The following LRRTM4 variants were observed in gnomAD, a reference collection of about 807,000 sequenced individuals.
LRRTM4 encodes the protein leucine rich repeat transmembrane neuronal 4, also known as leucine-rich repeat transmembrane neuronal protein 4.
A neutral mutation model predicts 47.6 loss-of-function variants in LRRTM4; 25 were observed. The ratio of observed to expected loss-of-function variants is 0.53; its 90% CI spans 0.38 to 0.73. The LOEUF (loss-of-function observed/expected upper bound fraction) is 0.73, where lower values mean the gene tolerates loss of function less well. Ranked by LOEUF, LRRTM4 falls within the 30% of genes least tolerant of loss-of-function variation. The pLI is 0.00. For missense variants in LRRTM4, 638 were observed against 713.4 expected (o/e 0.89, Z 1.20); for synonymous variants, 311 against 269.5 (o/e 1.15, Z -1.51).
chr2:77,010,265 T>G (rs1169353452), intron 3 of LRRTM4, among the ~76,000 whole-genome samples: 1 of 152,012 alleles, frequency 6.6e-6, no homozygotes, highest in African/African-American at 2.4e-5. Flanking sequence ...AATATTTGTG[T>G]TGTTTGATTA....
intron 3 of LRRTM4, among the ~76,000 whole-genome samples, chr2:77,334,346 C>A (rs1410204684): frequency 6.6e-6 from 1 of 151,940 alleles, no homozygotes; most frequent in Non-Finnish European, 1.5e-5. Context: ...CAGTTTTGTC[C>A]CCACCCAAAT....
chr2:77,262,417 A>G (rs1002999357), intron 3 of LRRTM4, among the ~76,000 whole-genome samples: 18 of 151,996 alleles, frequency 1.2e-4, no homozygotes, highest in Non-Finnish European at 4.4e-5. Context: ...TCACATTAGT[A>G]TGGTACATTT....
intron 3 of LRRTM4, among the ~76,000 whole-genome samples, chr2:77,462,525 A>G (rs967437730): frequency 2.0e-5 from 3 of 152,064 alleles, no homozygotes; most frequent in Non-Finnish European, 4.4e-5. Context: ...ATCAGTTAAT[A>G]AACCTCCTGC....
chr2:76,966,226 A>G (rs1676018216), intron 3 of LRRTM4, among the ~76,000 whole-genome samples: 1 of 151,506 alleles, frequency 6.6e-6, no homozygotes, highest in African/African-American at 2.4e-5. Flanking sequence ...GAGGAAGAAA[A>G]GAAATGGAGG....
intron 3 of LRRTM4, among the ~76,000 whole-genome samples, chr2:77,340,155 T>A (rs1364773422): frequency 6.6e-6 from 1 of 151,932 alleles, no homozygotes; most frequent in East Asian, 1.9e-4. Context: ...GGTAATTAGA[T>A]ATGCATCTGT....
chr2:76,879,999 G>A (rs1672883588), intron 3 of LRRTM4, among the ~76,000 whole-genome samples: 1 of 152,226 alleles, frequency 6.6e-6, no homozygotes, highest in Non-Finnish European at 1.5e-5. Flanking sequence ...TAAAATTTCA[G>A]TGAATGAGGA....
chr2:77,051,000 C>A (rs1378749719), intron 3 of LRRTM4, among the ~76,000 whole-genome samples: 1 of 150,550 alleles, frequency 6.6e-6, no homozygotes, highest in African/African-American at 2.4e-5. Flanking sequence ...TCTAGGTAAA[C>A]AAGATACTTA....
intron 3 of LRRTM4, among the ~76,000 whole-genome samples, chr2:76,834,620 T>C (rs773676531): frequency 6.6e-6 from 1 of 152,048 alleles, no homozygotes; most frequent in Non-Finnish European, 1.5e-5. Context: ...TACAAATGCT[T>C]TCTCTAATCC....
At chr2:76,978,919 C>T (rs1676506204) in intron 3 of LRRTM4, among the ~76,000 whole-genome samples, 1 of 151,970 alleles carries the variant, frequency 6.6e-6, no homozygotes, top group South Asian at 2.1e-4. Context: ...AGTGCAGAAG[C>T]TATTTTCATG....
intron 3 of LRRTM4, among the ~76,000 whole-genome samples, chr2:77,415,393 A>G (rs571932113): frequency 6.6e-6 from 1 of 152,300 alleles, no homozygotes; most frequent in African/African-American, 2.4e-5. Flanking sequence ...GTGCAAGAAC[A>G]TATTAATTCC....
At chr2:77,331,842 T>C (rs1407550857) in intron 3 of LRRTM4, among the ~76,000 whole-genome samples, 2 of 152,180 alleles carry the variant, frequency 1.3e-5, no homozygotes. Flanking sequence ...TCCTTCGTGT[T>C]AAGCCCTGCC....
At chr2:77,008,613 T>A (rs2104055425) in intron 3 of LRRTM4, among the ~76,000 whole-genome samples, 1 of 152,240 alleles carries the variant, frequency 6.6e-6, no homozygotes, top group South Asian at 2.1e-4. Context: ...TATAATTGAA[T>A]AACATCTGGA....
At chr2:77,009,992 ATTTAAC>A (rs1677807666) in intron 3 of LRRTM4, among the ~76,000 whole-genome samples, 3 of 151,784 alleles carry the variant, frequency 2.0e-5, no homozygotes, top group East Asian at 3.9e-4. Flanking sequence ...AAAAAAGTTG[ATTTAAC>A]TTTATTTTTA....
At chr2:76,961,123 AT>A (rs1346141864) in intron 3 of LRRTM4, among the ~76,000 whole-genome samples, 2 of 151,492 alleles carry the variant, frequency 1.3e-5, no homozygotes, top group African/African-American at 4.8e-5. Context: ...AGGTTAAATC[AT>A]TTCCCCTTAT....
At chr2:77,458,578 A>G (rs191433678) in intron 3 of LRRTM4, among the ~76,000 whole-genome samples, 4 of 151,442 alleles carry the variant, frequency 2.6e-5, no homozygotes, top group Admixed American at 2.6e-4. Context: ...CTTTCCATCA[A>G]CTGCCGTTGG....
intron 3 of LRRTM4, among the ~76,000 whole-genome samples, chr2:77,248,361 A>G (rs74849482): frequency 0.014 from 2,076 of 152,070 alleles, 47 homozygotes; most frequent in African/African-American, 0.048. Context: ...ACAAGATGTG[A>G]AGAAAACTGC....
At chr2:76,788,982 A>G (rs772590054) in intron 3 of LRRTM4, among the ~76,000 whole-genome samples, 2 of 152,210 alleles carry the variant, frequency 1.3e-5, no homozygotes, top group Admixed American at 1.3e-4. Flanking sequence ...TGAGTCTTAG[A>G]GACATAAAAC....
intron 3 of LRRTM4, among the ~76,000 whole-genome samples, chr2:76,995,783 T>G (rs542703056): frequency 1.1e-4 from 17 of 152,124 alleles, no homozygotes; most frequent in African/African-American, 4.1e-4. Flanking sequence ...AGATCCCAAT[T>G]TGCAGGCTGG....
chr2:77,214,797 T>A (rs1395253832), intron 3 of LRRTM4, among the ~76,000 whole-genome samples: 1 of 152,140 alleles, frequency 6.6e-6, no homozygotes, highest in Non-Finnish European at 1.5e-5. Flanking sequence ...ATAATTCTAA[T>A]GGAATATAGT....
Sources: allele counts gnomAD v4.1 joint callset (sites outside exome capture counted in the v4.1 genomes callset), GRCh38; gene constraint gnomAD v4.1.1; transcripts MANE v1.5; gene names NCBI Gene and HGNC (gene_info 2026-07-23, HGNC 2026-07-21).